The following SLC44A1 variants were observed in gnomAD, a reference collection of about 807,000 sequenced individuals.
SLC44A1 encodes the protein choline transporter-like protein 1.
Under a neutral mutation model 79.3 loss-of-function variants are expected in SLC44A1, and 26 were observed. The observed-to-expected ratio is 0.33, with a 90% confidence interval of 0.24 to 0.46. The LOEUF is 0.46. Among genes scored for constraint, SLC44A1 ranks in the 20% least tolerant of loss-of-function variants. The pLI is 1.00. For missense variants in SLC44A1, 688 were observed against 798.1 expected (o/e 0.86, Z 1.66); for synonymous variants, 263 against 286.2 (o/e 0.92, Z 0.82).
At position 105,347,895 on chromosome 9, in the gene SLC44A1, G is replaced by A. The variant is rs186502891; in HGVS notation, c.407-463G>A. ...AGCATAGGAAAAACAGGCATAATGT[G>A]TAGCTGAGCACAGGCTTTGTAGTGA... On this transcript the variant is annotated intron_variant, in intron 4 of 15. Transcript: ENST00000374720. 2.0e-5 allele frequency among the ~76,000 whole-genome samples: 3 copies of A among 152,194 alleles called. No homozygotes were observed. In the East Asian group the frequency reaches 5.8e-4, roughly 29 times the overall value.
chr9:105,401,554 A>G (rs1828958358), downstream of SLC44A1, among the ~76,000 whole-genome samples: 1 of 152,202 alleles, frequency 6.6e-6, no homozygotes, highest in African/African-American at 2.4e-5. Flanking sequence ...TTATTAGACC[A>G]GGGAAAGGTC....
intron 3 of SLC44A1, among the ~76,000 whole-genome samples, chr9:105,333,973 A>G (rs1826831847): frequency 6.6e-6 from 1 of 152,134 alleles, no homozygotes; most frequent in Non-Finnish European, 1.5e-5. Flanking sequence ...TCTTTGTGCA[A>G]TTCATTATAC....
chr9:105,263,537 ATTT>A (rs1167076279), intron 1 of SLC44A1, among the ~76,000 whole-genome samples: 3 of 135,952 alleles, frequency 2.2e-5, no homozygotes, highest in Admixed American at 7.4e-5. Context: ...ACATGTGTGT[ATTT>A]TTTTTTTTTT....
intron 12 of SLC44A1, 149 bp from the exon 13 acceptor site, chr9:105,374,449 T>G (rs144221011): frequency 1.7e-6 from 1 of 578,946 alleles, no homozygotes; most frequent in Non-Finnish European, 2.9e-6. Flanking sequence ...TATATTTTCT[T>G]GTACTCAGTC....
chr9:105,380,078 G>C (rs77391306), intron 13 of SLC44A1, among the ~76,000 whole-genome samples: 7,075 of 152,246 alleles, frequency 0.046, 226 homozygotes, highest in South Asian at 0.1. Flanking sequence ...AACATTGCCA[G>C]GCATTGCATT....
At chr9:105,246,881 T>G (rs1829466500) in intron 1 of SLC44A1, among the ~76,000 whole-genome samples, 1 of 152,230 alleles carries the variant, frequency 6.6e-6, no homozygotes, top group Non-Finnish European at 1.5e-5. Flanking sequence ...AATGCTATCG[T>G]ATACGTTTTC....
chr9:105,320,275 G>T (rs1296419446), intron 3 of SLC44A1, among the ~76,000 whole-genome samples: 3 of 142,436 alleles, frequency 2.1e-5, no homozygotes, highest in Non-Finnish European at 4.6e-5. Flanking sequence ...TGCCATTTGG[G>T]TTATTTCAAT....
Position 105,392,461 on chromosome 9 carries a change from T to C in SLC44A1, c.*3405T>C. The stretch of plus-strand genomic sequence containing the variant: ...AGGGCATTAGGCTGCTGATTGTAAG[T>C]TATTTCCAATACCACTGATCTTGGT... On this transcript the variant is annotated 3_prime_UTR_variant, in exon 16 of 16. Transcript: ENST00000374720. 3.1e-6 allele frequency: 3 copies of C among 981,362 alleles called. No homozygotes were observed. The highest frequency in any genetic ancestry group is 3.6e-6 in the Non-Finnish European group (3 of 828,934). 60.8% of individuals were successfully genotyped at this position (981,362 alleles called of 1,614,324 possible).
At chr9:105,273,022 TG>T (rs1389265830) in intron 1 of SLC44A1, among the ~76,000 whole-genome samples, 1 of 149,842 alleles carries the variant, frequency 6.7e-6, no homozygotes, top group African/African-American at 2.5e-5. Flanking sequence ...GATGAAGTCT[TG>T]CTCTGTCACC....
intron 2 of SLC44A1, among the ~76,000 whole-genome samples, chr9:105,307,733 T>C (rs1391986665): frequency 1.3e-5 from 2 of 152,208 alleles, no homozygotes; most frequent in Non-Finnish European, 2.9e-5. Flanking sequence ...AGCACAGGGC[T>C]TCCTAATTTG....
At chr9:105,253,981 A>T (rs1442557759) in intron 1 of SLC44A1, among the ~76,000 whole-genome samples, 2 of 152,150 alleles carry the variant, frequency 1.3e-5, no homozygotes, top group African/African-American at 4.8e-5. Flanking sequence ...TCGGCCTCCC[A>T]AAGTGCTGGG....
chr9:105,249,483 T>A lies in SLC44A1; in HGVS notation c.36+4579T>A, dbSNP rs115889714. On this transcript the variant is annotated intron_variant, in intron 1 of 15. Coordinates refer to ENST00000374720, the MANE Select transcript of SLC44A1 (RefSeq NM_080546.5). Reference sequence around the variant, plus strand: ...GGATCTACTCCTCAAAATATGTAAATCAAAGTTAATTTCGAAATTGGAAAA... The same window carrying A: ...GGATCTACTCCTCAAAATATGTAAAACAAAGTTAATTTCGAAATTGGAAAA... Among the ~76,000 whole-genome samples the A allele has an allele frequency of 5.3e-3, 801 of 152,098 alleles. 9 individuals carry two copies. The highest frequency in any genetic ancestry group is 0.018 in the African/African-American group (765 of 41,484).
intron 13 of SLC44A1, among the ~76,000 whole-genome samples, chr9:105,378,767 C>T (rs1279275177): frequency 6.6e-6 from 1 of 152,086 alleles, no homozygotes; most frequent in African/African-American, 2.4e-5. Context: ...TACAGTAAAT[C>T]TTTTGAAAAG....
At chr9:105,371,331 G>A (rs1828091432) in intron 12 of SLC44A1, among the ~76,000 whole-genome samples, 1 of 152,212 alleles carries the variant, frequency 6.6e-6, no homozygotes, top group Admixed American at 6.5e-5. Context: ...GGCCATACAG[G>A]ATCTTTCACG....
At chr9:105,281,463 G>A (rs1331125151) in intron 1 of SLC44A1, among the ~76,000 whole-genome samples, 1 of 152,152 alleles carries the variant, frequency 6.6e-6, no homozygotes, top group Non-Finnish European at 1.5e-5. Context: ...GATGAGTCAT[G>A]GAGGCAGTGG....
chr9:105,320,093 A>G (rs1183979358), intron 3 of SLC44A1, among the ~76,000 whole-genome samples: 4 of 152,254 alleles, frequency 2.6e-5, no homozygotes, highest in East Asian at 3.9e-4. Context: ...AGAATGTCAT[A>G]TACAAATAAT....
intron 3 of SLC44A1, among the ~76,000 whole-genome samples, chr9:105,321,814 TAA>T (rs748787290): frequency 2.1e-5 from 3 of 143,776 alleles, no homozygotes; most frequent in African/African-American, 7.8e-5. Flanking sequence ...GTATTTTAAT[TAA>T]AAAAAAAAAA....
In SLC44A1 at chr9:105,393,093, C is replaced by G. The variant is rs1828802310; in HGVS notation, c.*4037C>G. 1.0e-6 allele frequency: 1 copy of G among 985,182 alleles called. No homozygotes were observed. Among genetic ancestry groups the G allele is most frequent in the African/African-American group, 1.7e-5 (1 of 57,228 alleles). 61.0% of individuals were successfully genotyped at this position (985,182 alleles called of 1,614,324 possible). On this transcript the variant is annotated 3_prime_UTR_variant, in exon 16 of 16. Coordinates refer to ENST00000374720, the MANE Select transcript of SLC44A1 (RefSeq NM_080546.5). The stretch of plus-strand genomic sequence containing the variant: ...GTGCACTATAATGGCTTGCCTAGAA[C>G]TGGTAAGAAGTGGTCTGTGAATGTA...
At chr9:105,258,876 T>G (rs1437475257) in intron 1 of SLC44A1, among the ~76,000 whole-genome samples, 2 of 151,870 alleles carry the variant, frequency 1.3e-5, no homozygotes, top group African/African-American at 2.4e-5. Flanking sequence ...GTTTTTGTTT[T>G]TTTTTTTTGG....
Sources: allele counts gnomAD v4.1 joint callset (sites outside exome capture counted in the v4.1 genomes callset), GRCh38; gene constraint gnomAD v4.1.1; transcripts MANE v1.5; gene names NCBI Gene and HGNC (gene_info 2026-07-23, HGNC 2026-07-21).